The following CTNND2 variants were observed in gnomAD, a reference collection of about 807,000 sequenced individuals.
CTNND2 encodes catenin delta-2.
CTNND2 carries 22 observed loss-of-function variants against 144.4 expected under a neutral mutation model. That is an observed-to-expected ratio of 0.15 (90% CI 0.11 to 0.22). The LOEUF (loss-of-function observed/expected upper bound fraction) is 0.22, where lower values mean the gene tolerates loss of function less well. Among genes scored for constraint, CTNND2 ranks in the 10% least tolerant of loss-of-function variants. The pLI is 1.00. For missense variants in CTNND2, 1,353 were observed against 1,618.8 expected, an observed-to-expected ratio of 0.84 and a Z score of 2.82; for synonymous variants, 751 against 695.6, an observed-to-expected ratio of 1.08 and a Z score of -1.25.
intron 9 of CTNND2, among the ~76,000 whole-genome samples, chr5:11,277,623 C>T (rs764624406): frequency 1.6e-4 from 25 of 151,832 alleles, no homozygotes; most frequent in Non-Finnish European, 2.9e-4. Flanking sequence ...CCTCAACCTC[C>T]GAGGTTCAAG....
intron 2 of CTNND2, among the ~76,000 whole-genome samples, chr5:11,572,195 C>T (rs1406943924): frequency 1.3e-5 from 2 of 152,084 alleles, no homozygotes; most frequent in Admixed American, 6.6e-5. Context: ...ATCTGCTGAA[C>T]CCCTGAGCTG....
At chr5:11,040,213 T>C (rs567815298) in intron 16 of CTNND2, among the ~76,000 whole-genome samples, 153 of 152,220 alleles carry the variant, frequency 1.0e-3, no homozygotes, top group South Asian at 2.9e-3. Context: ...GCCATTGCAC[T>C]CTAGCCTGGG....
At chr5:10,981,727 T>C (rs962569721) in intron 21 of CTNND2, 46 bp downstream of exon 21, 2 of 1,496,830 alleles carry the variant, frequency 1.3e-6, no homozygotes, top group Non-Finnish European at 1.9e-6. Flanking sequence ...TTATTTCACA[T>C]GAGTCACACT....
At chr5:11,781,428 G>A (rs1196743617) in intron 1 of CTNND2, among the ~76,000 whole-genome samples, 7 of 152,146 alleles carry the variant, frequency 4.6e-5, no homozygotes, top group Non-Finnish European at 8.8e-5. Context: ...GCCAGCCTCC[G>A]CCCTTTAGGA....
At chr5:11,855,461 G>A (rs548623035) in intron 1 of CTNND2, among the ~76,000 whole-genome samples, 1 of 152,290 alleles carries the variant, frequency 6.6e-6, no homozygotes, top group East Asian at 1.9e-4. Flanking sequence ...GCAAACAAGG[G>A]AGTTTAGTGT....
chr5:11,764,257 A>C (rs4701917), intron 1 of CTNND2, among the ~76,000 whole-genome samples: 145,038 of 152,240 alleles, frequency 0.95, 69,479 homozygotes, highest in East Asian at 1. Context: ...GAGGCTTCAG[A>C]AGCAGTGCAG....
intron 2 of CTNND2, among the ~76,000 whole-genome samples, chr5:11,657,658 A>G (rs1445072066): frequency 2.0e-5 from 3 of 152,148 alleles, no homozygotes; most frequent in Non-Finnish European, 4.4e-5. Flanking sequence ...ACAAATTGCA[A>G]TTTTTCAGAT....
At chr5:11,588,911 AAGG>A (rs1276859241) in intron 2 of CTNND2, 1 of 985,298 alleles carries the variant, frequency 1.0e-6, no homozygotes, top group Non-Finnish European at 1.2e-6. Context: ...CCACGGCTAA[AAGG>A]AACCACAGAG....
rs1280927633 is a variant in CTNND2, at chr5:11,813,938, TC to T, written c.38-81667del. On this transcript the variant is annotated intron_variant, in intron 1 of 21. Transcript: ENST00000304623. ...GCACACTTTTAATACTCCAGGTAAA[TC>T]CTGTAAGAATCTGCATAATGACTTG... Among the ~76,000 whole-genome samples, 120 of 152,318 alleles carry T rather than the reference TC, an allele frequency of 7.9e-4. 1 individual carries two copies. The highest frequency in any genetic ancestry group is 2.6e-3 in the African/African-American group (109 of 41,590).
chr5:11,622,807 G>A (rs540912604), intron 2 of CTNND2, among the ~76,000 whole-genome samples: 2 of 152,212 alleles, frequency 1.3e-5, no homozygotes, highest in East Asian at 3.9e-4. Context: ...GGGAGAAAGA[G>A]CCCTAAAAGC....
chr5:11,274,830 G>C (rs1746366648), intron 9 of CTNND2, among the ~76,000 whole-genome samples: 2 of 152,172 alleles, frequency 1.3e-5, no homozygotes, highest in African/African-American at 4.8e-5. Context: ...CAAGGAAAAA[G>C]AGTGAGGCAG....
At chr5:11,679,886 C>T (rs552693599) in intron 2 of CTNND2, among the ~76,000 whole-genome samples, 3 of 152,284 alleles carry the variant, frequency 2.0e-5, no homozygotes, top group African/African-American at 7.2e-5. Context: ...AGACACAAAC[C>T]AAACAGCTAG....
intron 6 of CTNND2, among the ~76,000 whole-genome samples, chr5:11,389,508 A>T (rs573827092): frequency 2.6e-5 from 4 of 151,858 alleles, no homozygotes; most frequent in Admixed American, 6.6e-5. Context: ...GTGTGTACTT[A>T]GTGGTATATT....
At chr5:11,454,821 C>A (rs578147875) in intron 3 of CTNND2, among the ~76,000 whole-genome samples, 1 of 151,568 alleles carries the variant, frequency 6.6e-6, no homozygotes, top group Non-Finnish European at 1.5e-5. Flanking sequence ...AGGCTGGTCT[C>A]GAATTCCTGA....
At chr5:11,079,261 C>T (rs140443556) in intron 16 of CTNND2, among the ~76,000 whole-genome samples, 1 of 121,870 alleles carries the variant, frequency 8.2e-6, no homozygotes, top group African/African-American at 3.9e-5. Context: ...TTCCCAAGAT[C>T]ACCTGCACCC....
In CTNND2 at chr5:11,453,683, C is replaced by A. The variant is rs1193765046; in HGVS notation, c.288-41614G>T. On this transcript the variant is annotated intron_variant, in intron 3 of 21. Transcript: ENST00000304623. ...AGTATTATCAGCCATGATATATTCCCCAAAAAGAAAACCCTTATTCAAAAC... is the reference window on the plus strand; with the variant it reads ...AGTATTATCAGCCATGATATATTCCACAAAAAGAAAACCCTTATTCAAAAC... Among the ~76,000 whole-genome samples, 4 of 152,180 alleles carry A rather than the reference C, an allele frequency of 2.6e-5. No homozygotes were observed. In the East Asian group the frequency reaches 7.7e-4, roughly 29 times the overall value.
intron 9 of CTNND2, among the ~76,000 whole-genome samples, chr5:11,261,899 A>G (rs185840058): frequency 1.2e-4 from 18 of 152,356 alleles, no homozygotes; most frequent in Admixed American, 4.6e-4. Context: ...ATGACTACTC[A>G]GCCCAGTGGT....
chr5:11,799,239 C>T (rs989866412), intron 1 of CTNND2, among the ~76,000 whole-genome samples: 1 of 152,190 alleles, frequency 6.6e-6, no homozygotes, highest in Non-Finnish European at 1.5e-5. Flanking sequence ...TTTTCTACTT[C>T]ACTGGTGTAG....
chr5:11,034,647 G>A (rs1278400456), intron 16 of CTNND2, among the ~76,000 whole-genome samples: 2 of 152,216 alleles, frequency 1.3e-5, no homozygotes, highest in African/African-American at 4.8e-5. Flanking sequence ...CTGATCTCAA[G>A]TGCACACAGG....
Sources: allele counts gnomAD v4.1 joint callset (sites outside exome capture counted in the v4.1 genomes callset), GRCh38; gene constraint gnomAD v4.1.1; transcripts MANE v1.5; gene names NCBI Gene and HGNC (gene_info 2026-07-23, HGNC 2026-07-21).